Variants in RHPN2 observed in about 807,000 individuals in gnomAD.
The protein encoded by RHPN2 is rhophilin-2.
RHPN2 carries 40 observed loss-of-function variants against 79.0 expected under a neutral mutation model. That is an observed-to-expected ratio of 0.51 (90% CI 0.39 to 0.66). The LOEUF (loss-of-function observed/expected upper bound fraction) is 0.66. Ranked by LOEUF, RHPN2 falls within the 30% of genes least tolerant of loss-of-function variation. The pLI is 0.00. For synonymous variants in RHPN2, 285 were observed against 363.5 expected (o/e 0.78, Z 2.46); for missense variants, 686 against 883.5 (o/e 0.78, Z 2.83).
intron 1 of RHPN2, among the ~76,000 whole-genome samples, chr19:33,047,346 G>A (rs1972149915): frequency 6.6e-6 from 1 of 152,078 alleles, no homozygotes. Flanking sequence ...TCAACAAATT[G>A]TCTGTGTTCT....
At chr19:32,995,918 T>A (rs1971696556) in intron 11 of RHPN2, 108 bp downstream of exon 11, 1 of 1,096,174 alleles carries the variant, frequency 9.1e-7, no homozygotes, top group African/African-American at 1.6e-5. Flanking sequence ...TGTGCAGCTC[T>A]CCTTGTGCCA....
chr19:33,039,513 C>A (rs1034877814), intron 2 of RHPN2, among the ~76,000 whole-genome samples: 2 of 152,032 alleles, frequency 1.3e-5, no homozygotes, highest in African/African-American at 4.8e-5. Context: ...TGTTACTATC[C>A]CCCCTCTGAA....
At chr19:33,014,141 G>T (rs1971859910) in intron 4 of RHPN2, among the ~76,000 whole-genome samples, 1 of 145,114 alleles carries the variant, frequency 6.9e-6, no homozygotes, top group African/African-American at 2.5e-5. Context: ...TGATCACATA[G>T]ATCGCTCAAT....
intron 4 of RHPN2, among the ~76,000 whole-genome samples, chr19:33,013,858 TTTTAC>T (rs1263300697): frequency 6.2e-5 from 8 of 128,746 alleles, no homozygotes; most frequent in South Asian, 5.1e-4. Context: ...TTTTATTTTA[TTTTAC>T]TTTATTTTAT....
intron 1 of RHPN2, among the ~76,000 whole-genome samples, chr19:33,061,222 TTTC>T (rs1468319081): frequency 1.5e-4 from 21 of 138,482 alleles, no homozygotes; most frequent in African/African-American, 6.0e-4. Context: ...AGCACCTGCC[TTTC>T]TTTTTTTTTT....
At chr19:33,000,019 C>T (rs1971736513) in intron 9 of RHPN2, among the ~76,000 whole-genome samples, 1 of 152,120 alleles carries the variant, frequency 6.6e-6, no homozygotes, top group Admixed American at 6.6e-5. Context: ...CAGACATGCA[C>T]CACCACATGC....
intron 4 of RHPN2, among the ~76,000 whole-genome samples, chr19:33,016,617 G>T (rs1213605882): frequency 1.3e-5 from 2 of 152,110 alleles, no homozygotes; most frequent in African/African-American, 4.8e-5. Flanking sequence ...GGAGGCAGAG[G>T]TTGCAGTGAG....
intron 14 of RHPN2, among the ~76,000 whole-genome samples, chr19:32,982,357 A>G (rs1207551012): frequency 6.6e-6 from 1 of 152,090 alleles, no homozygotes; most frequent in African/African-American, 2.4e-5. Context: ...CAGTGAGCCC[A>G]GATCACGCCA....
chr19:33,003,406 A>AG (rs1971766808), intron 7 of RHPN2, among the ~76,000 whole-genome samples: 1 of 151,596 alleles, frequency 6.6e-6, no homozygotes, highest in Non-Finnish European at 1.5e-5. Flanking sequence ...GAAAAAAAAA[A>AG]GAACCGGTGT....
At chr19:33,064,755 T>TTG in intron 1 of RHPN2, 29 bp downstream of exon 1, 4 of 1,427,946 alleles carry the variant, frequency 2.8e-6, no homozygotes, top group Non-Finnish European at 2.8e-6. Flanking sequence ...AGCCCGCAGG[T>TTG]CCCCGCCCGC....
intron 7 of RHPN2, among the ~76,000 whole-genome samples, chr19:33,004,815 G>A (rs950732443): frequency 2.0e-4 from 30 of 151,766 alleles, no homozygotes; most frequent in Non-Finnish European, 3.4e-4. Context: ...TCGAACTCCT[G>A]ACCTCAGGTG....
rs1599810098 is a variant in RHPN2 at position 32,996,147 on chromosome 19, C to T, written c.1299G>A (p.Leu433=). ...CCTTCTGTAGCACCTCAATGCTCCG[C>T]AGCTTCTTGCAGAGGCTGGCCTCCC... ...SVREASLCKK[L]RSIEVLQKVL... is the part of the protein sequence containing the mutation. Residue 433 remains leucine (L), a synonymous_variant, in exon 11 of 15, where the codon CTG becomes CTA. Coordinates refer to ENST00000254260, the MANE Select transcript of RHPN2 (RefSeq NM_033103.5). 6.2e-7 allele frequency: 1 copy of T among 1,614,172 alleles called. No homozygotes were observed. The highest frequency in any genetic ancestry group is 8.5e-7 in the Non-Finnish European group (1 of 1,180,008).
intron 3 of RHPN2, among the ~76,000 whole-genome samples, chr19:33,023,890 A>G (rs1261694910): frequency 6.6e-6 from 1 of 152,132 alleles, no homozygotes; most frequent in Non-Finnish European, 1.5e-5. Flanking sequence ...GACACAGGGC[A>G]GTGACTGGCC....
chr19:33,013,766 T>G (rs34862163), intron 4 of RHPN2, among the ~76,000 whole-genome samples: 11 of 152,026 alleles, frequency 7.2e-5, no homozygotes, highest in African/African-American at 2.4e-4. Flanking sequence ...CCAGCACAGA[T>G]CCTGAGGGTA....
chr19:33,055,597 A>C (rs1014336543), intron 1 of RHPN2, among the ~76,000 whole-genome samples: 2 of 152,040 alleles, frequency 1.3e-5, no homozygotes, highest in Non-Finnish European at 2.9e-5. Context: ...AGGCTTCCTC[A>C]TCCACACAAG....
At chr19:32,995,547 C>T (rs1460268750) in intron 11 of RHPN2, among the ~76,000 whole-genome samples, 4 of 152,034 alleles carry the variant, frequency 2.6e-5, no homozygotes, top group East Asian at 3.9e-4. Flanking sequence ...TGATTCTACA[C>T]GAGAACAAAC....
chr19:33,059,321 C>T (rs1489810493), intron 1 of RHPN2, among the ~76,000 whole-genome samples: 15 of 142,720 alleles, frequency 1.1e-4, no homozygotes, highest in African/African-American at 3.0e-4. Context: ...TTTTTTGAGA[C>T]GGAGTCTCGC....
chr19:33,034,859 G>C (rs1392395561), intron 2 of RHPN2, among the ~76,000 whole-genome samples: 1 of 151,662 alleles, frequency 6.6e-6, no homozygotes, highest in Non-Finnish European at 1.5e-5. Context: ...AGTGCTTTGA[G>C]AGGCTGAGGC....
intron 1 of RHPN2, among the ~76,000 whole-genome samples, chr19:33,056,050 C>A (rs893399453): frequency 6.6e-6 from 1 of 151,866 alleles, no homozygotes; most frequent in Non-Finnish European, 1.5e-5. Context: ...CTTTCAATGG[C>A]CCTGGGGAAA....
Sources: allele counts gnomAD v4.1 joint callset (sites outside exome capture counted in the v4.1 genomes callset), GRCh38; gene constraint gnomAD v4.1.1; transcripts MANE v1.5; gene names NCBI Gene and HGNC (gene_info 2026-07-23, HGNC 2026-07-21).